The following FGF12 variants were observed in gnomAD, a reference collection of about 807,000 sequenced individuals.
The protein encoded by FGF12 is fibroblast growth factor 12.
Under a neutral mutation model 23.6 loss-of-function variants are expected in FGF12, and 14 were observed. The observed-to-expected ratio is 0.59, with a 90% CI of 0.39 to 0.93. FGF12 has a LOEUF of 0.93. FGF12 is among the 40% of genes least tolerant of loss of function. The probability of loss-of-function intolerance (pLI) is 0.00; values close to 1 mark genes in which losing one functional copy is unlikely to be tolerated. For missense variants in FGF12, 175 were observed against 217.8 expected (o/e 0.80, Z 1.24); for synonymous variants, 62 against 77.3 (o/e 0.80, Z 1.04).
chr3:192,475,817 T>C (rs1723300834), intron 2 of FGF12, among the ~76,000 whole-genome samples: 1 of 152,160 alleles, frequency 6.6e-6, no homozygotes, highest in Admixed American at 6.5e-5. Context: ...TCCGACCTAA[T>C]AGTCAGAAAA....
chr3:192,449,573 C>T (rs573131522), intron 2 of FGF12, among the ~76,000 whole-genome samples: 24 of 152,298 alleles, frequency 1.6e-4, no homozygotes, highest in African/African-American at 4.6e-4. Flanking sequence ...GTTTCTCCAA[C>T]GCCCCATTCC....
chr3:192,300,693 A>G (rs1433880237), intron 4 of FGF12, among the ~76,000 whole-genome samples: 1 of 152,168 alleles, frequency 6.6e-6, no homozygotes, highest in Non-Finnish European at 1.5e-5. Flanking sequence ...CAAGACTGCC[A>G]AGTTGATCCA....
Position 192,465,541 on chromosome 3 carries a change from G to A in FGF12, c.14-105003C>T, listed in dbSNP as rs192009699. 3.5e-3 allele frequency among the ~76,000 whole-genome samples: 529 copies of A among 152,272 alleles called. 6 individuals carry two copies. The highest frequency in any genetic ancestry group is 0.011 in the African/African-American group (476 of 41,546). On this transcript the variant is annotated intron_variant, in intron 2 of 5. Transcript: ENST00000445105. ...CTTGAAAGGTTGGCCCTGGGCTGGC[G>A]TCTGGAAACTTGGTCGATGGAGAGT...
chr3:192,512,859 T>TATATATATATATATATATATATATATAA (rs376386122), intron 2 of FGF12, among the ~76,000 whole-genome samples: 911 of 56,384 alleles, frequency 0.016, 56 homozygotes, highest in Non-Finnish European at 0.019. Context: ...TATATATATA[T>TATATATATATATATATATATATATATAA]AACAGGCTAT....
At chr3:192,337,667 T>C (rs1717486217) in intron 3 of FGF12, among the ~76,000 whole-genome samples, 1 of 152,194 alleles carries the variant, frequency 6.6e-6, no homozygotes, top group African/African-American at 2.4e-5. Context: ...AGTTTTCCTA[T>C]CTGTAAAATG....
At chr3:192,435,873 T>C (rs544805391) in intron 2 of FGF12, among the ~76,000 whole-genome samples, 2 of 152,356 alleles carry the variant, frequency 1.3e-5, no homozygotes, top group South Asian at 2.1e-4. Flanking sequence ...TTCAGAAGCA[T>C]AAATGATAAA....
chr3:192,246,697 C>T (rs529428260), intron 4 of FGF12, among the ~76,000 whole-genome samples: 147 of 151,414 alleles, frequency 9.7e-4, no homozygotes, highest in Non-Finnish European at 1.8e-3. Flanking sequence ...CAGTGGTGGA[C>T]GCCTGTAATC....
intron 2 of FGF12, among the ~76,000 whole-genome samples, chr3:192,714,579 C>T (rs565571834): frequency 2.2e-5 from 3 of 135,050 alleles, no homozygotes; most frequent in South Asian, 4.8e-4. Flanking sequence ...AGTGCAGCGG[C>T]GCAATCTCGG....
chr3:192,529,478 C>T lies in FGF12; in HGVS notation c.14-168940G>A, dbSNP rs9681438. ...CCACATTTTCCTGTCTTCTTCTGAGCCCTCCAAACTGTTCCAATCTCTGCC... is the reference window on the plus strand; with the variant it reads ...CCACATTTTCCTGTCTTCTTCTGAGTCCTCCAAACTGTTCCAATCTCTGCC... On this transcript the variant is annotated intron_variant, in intron 2 of 5. Coordinates refer to ENST00000445105, the MANE Select transcript of FGF12 (RefSeq NM_004113.6). Among the ~76,000 whole-genome samples, 174 of 152,296 alleles carry T rather than the reference C, an allele frequency of 1.1e-3. 1 individual carries two copies. The highest frequency in any genetic ancestry group is 4.1e-3 in the African/African-American group (169 of 41,564).
rs188010102 is a variant in FGF12, at chr3:192,451,428, G to A, written c.14-90890C>T. The stretch of plus-strand genomic sequence containing the variant: ...CTTGACAACAGGAAAATTGTAAAAG[G>A]CTTGCTATGGCCAAACCATGAGAAC... On this transcript the variant is annotated intron_variant, in intron 2 of 5. Transcript: ENST00000445105. Among the ~76,000 whole-genome samples, 73 of 152,284 alleles carry A rather than the reference G, an allele frequency of 4.8e-4. 1 individual carries two copies. Among genetic ancestry groups the A allele is most frequent in the African/African-American group, 1.7e-3 (70 of 41,554 alleles).
chr3:192,614,757 C>T (rs1357623670), intron 2 of FGF12, among the ~76,000 whole-genome samples: 1 of 151,768 alleles, frequency 6.6e-6, no homozygotes, highest in Non-Finnish European at 1.5e-5. Flanking sequence ...AGGTAACTGG[C>T]CTTTGAAAAG....
At position 192,167,247 on chromosome 3, in the gene FGF12, T is replaced by A. The variant is rs547269206; in HGVS notation, c.427+3211A>T. On this transcript the variant is annotated intron_variant, in intron 5 of 5. Transcript: ENST00000445105. ...CCTGACTAGGTTGTGGCCAGTGCGA[T>A]AAGTAGCATATGGCAGTTACCATGG... Among the ~76,000 whole-genome samples, 3 of 151,818 alleles carry A rather than the reference T, an allele frequency of 2.0e-5. No individual in the cohort carries two copies. The South Asian group carries it at 6.3e-4, about 32-fold the overall frequency.
Position 192,641,356 on chromosome 3 carries a change from C to T in FGF12, c.13+85825G>A, listed in dbSNP as rs1422711139. Among the ~76,000 whole-genome samples, 5 of 77,398 alleles carry T rather than the reference C, an allele frequency of 6.5e-5. 2 individuals are homozygous for T. The highest frequency in any genetic ancestry group is 1.4e-4 in the Non-Finnish European group (5 of 35,768). 50.8% of individuals were successfully genotyped at this position (77,398 alleles called of 152,430 possible). A position where few individuals can be genotyped will look rare whatever the true frequency, so the allele number is the denominator to read the frequency against. On this transcript the variant is annotated intron_variant, in intron 2 of 5. Transcript: ENST00000445105. The stretch of plus-strand genomic sequence containing the variant: ...TCCTGACCTCGTGATCCGCCCGCCT[C>T]GGCCTCCCAAAGTGCTGGGATTACA...
At chr3:192,695,637 T>C (rs991332110) in intron 2 of FGF12, among the ~76,000 whole-genome samples, 1 of 152,148 alleles carries the variant, frequency 6.6e-6, no homozygotes, top group African/African-American at 2.4e-5. Context: ...ACTTAAGGAA[T>C]TCTAGTTCAG....
intron 2 of FGF12, among the ~76,000 whole-genome samples, chr3:192,448,461 G>A (rs932677592): frequency 1.3e-5 from 2 of 152,274 alleles, no homozygotes; most frequent in East Asian, 1.9e-4. Flanking sequence ...ACATCCCCCT[G>A]AAAATTGGGA....
chr3:192,682,111 TTAGACCGGGAGA>T (rs1424202670), intron 2 of FGF12, among the ~76,000 whole-genome samples: 1 of 152,200 alleles, frequency 6.6e-6, no homozygotes, highest in Non-Finnish European at 1.5e-5. Flanking sequence ...ATAAGTTTCC[TTAGACCGGGAGA>T]AATGGTGACA....
At chr3:192,328,438 T>C (rs979195913) in intron 4 of FGF12, among the ~76,000 whole-genome samples, 1 of 152,182 alleles carries the variant, frequency 6.6e-6, no homozygotes, top group African/African-American at 2.4e-5. Context: ...CGACACTTCA[T>C]GTGTATTATC....
chr3:192,150,973 G>A (rs1489837270), intron 5 of FGF12, among the ~76,000 whole-genome samples: 2 of 146,246 alleles, frequency 1.4e-5, no homozygotes, highest in Non-Finnish European at 3.0e-5. Context: ...CCATTTGTTT[G>A]TATCCTCTTT....
intron 2 of FGF12, among the ~76,000 whole-genome samples, chr3:192,656,769 G>A (rs759775711): frequency 1.3e-5 from 2 of 152,214 alleles, no homozygotes; most frequent in African/African-American, 2.4e-5. Context: ...ACACCTAGCA[G>A]TGTAGGCTCA....
Sources: allele counts gnomAD v4.1 joint callset (sites outside exome capture counted in the v4.1 genomes callset), GRCh38; gene constraint gnomAD v4.1.1; transcripts MANE v1.5; gene names NCBI Gene and HGNC (gene_info 2026-07-23, HGNC 2026-07-21).